The following IL1R2 variants were observed in gnomAD, a reference collection of about 807,000 sequenced individuals.
The protein encoded by IL1R2 is interleukin 1 receptor type 2.
Under a neutral mutation model 39.5 loss-of-function variants are expected in IL1R2, and 46 were observed. The ratio of observed to expected loss-of-function variants is 1.16; its 90% CI spans 0.92 to 1.49. IL1R2 has a LOEUF of 1.49. Ranked by LOEUF, IL1R2 falls within the 40% of genes most tolerant of loss-of-function variation. IL1R2 has a pLI of 0.00. For missense variants in IL1R2, 537 were observed against 502.0 expected, an observed-to-expected ratio of 1.07 and a Z score of -0.67; for synonymous variants, 207 against 189.6, an observed-to-expected ratio of 1.09 and a Z score of -0.75.
rs189070137 is a variant in IL1R2, at chr2:102,009,980, C to G, written c.332+154C>G. 22 of 812,056 alleles carry G rather than the reference C, an allele frequency of 2.7e-5. No homozygotes were observed. The Middle Eastern group carries it at 1.1e-3, about 41-fold the overall frequency. 50.3% of individuals were successfully genotyped at this position (812,056 alleles called of 1,614,324 possible). Reference sequence around the variant, plus strand: ...CCGTTTGCTGTTCCTGACACCCCCCCCAACCCTACAGTCTCATTCTGTCTC... The same window carrying G: ...CCGTTTGCTGTTCCTGACACCCCCCGCAACCCTACAGTCTCATTCTGTCTC... On this transcript the variant is annotated intron_variant, in intron 3 of 8. Coordinates refer to ENST00000332549, the MANE Select transcript of IL1R2 (RefSeq NM_004633.4).
intron 5 of IL1R2, among the ~76,000 whole-genome samples, chr2:102,021,326 T>A (rs1030596121): frequency 1.4e-5 from 2 of 143,612 alleles, no homozygotes; most frequent in Non-Finnish European, 3.1e-5. Context: ...TTTTTTTGGT[T>A]TTTTTTTGAG....
At chr2:102,022,104 T>C (rs1453582046) in intron 5 of IL1R2, 83 bp from the exon 6 acceptor site, 1 of 1,142,512 alleles carries the variant, frequency 8.8e-7, no homozygotes, top group African/African-American at 1.5e-5. Context: ...GATAACTTAG[T>C]TGATTAGCCA....
chr2:102,006,615 C>T (rs1577695085), intron 1 of IL1R2, among the ~76,000 whole-genome samples: 1 of 152,184 alleles, frequency 6.6e-6, no homozygotes, highest in Non-Finnish European at 1.5e-5. Flanking sequence ...GGGAATTTTT[C>T]CCCTGGATTC....
chr2:102,020,755 C>T (rs1403388810), intron 5 of IL1R2, among the ~76,000 whole-genome samples: 1 of 152,108 alleles, frequency 6.6e-6, no homozygotes, highest in Admixed American at 6.5e-5. Context: ...TTCCGTGGAC[C>T]GGCACGGTCC....
At chr2:102,024,466 C>T in intron 6 of IL1R2, 67 bp from the exon 7 acceptor site, 1 of 1,147,822 alleles carries the variant, frequency 8.7e-7, no homozygotes, top group Non-Finnish European at 1.3e-6. Context: ...GGACTCAGGG[C>T]TCAGGTTTGC....
Position 102,009,644 on chromosome 2 carries a change from C to A in IL1R2, c.150C>A (p.Cys50Ter), listed in dbSNP as rs781271835. The A allele has an allele frequency of 1.2e-6, 2 of 1,614,078 alleles. No homozygotes were observed. Among genetic ancestry groups the A allele is most frequent in the South Asian group, 2.2e-5 (2 of 91,078 alleles). The change falls in exon 3 of 9, where the codon TGC (cysteine) becomes TGA (stop). Residue 50 changes from cysteine (C) to a stop codon, truncating the protein, a stop_gained. Transcript: ENST00000332549. LOFTEE classifies it high-confidence loss of function. ...RLEGEPVALR[C>*]PQVPYWLWAS... ...AAGGGGAGCCTGTAGCCCTGAGGTG[C>A]CCCCAGGTGCCCTACTGGTTGTGGG... is the stretch of plus-strand genomic sequence containing the variant.
intron 4 of IL1R2, among the ~76,000 whole-genome samples, chr2:102,018,991 T>G (rs1002657165): frequency 3.3e-5 from 5 of 152,206 alleles, no homozygotes; most frequent in Admixed American, 2.6e-4. Flanking sequence ...ATAATCATGA[T>G]TTTGAAAGTG....
intron 8 of IL1R2, among the ~76,000 whole-genome samples, chr2:102,026,659 G>A (rs1327444407): frequency 6.6e-6 from 1 of 152,132 alleles, no homozygotes; most frequent in African/African-American, 2.4e-5. Context: ...AGCTACCCAG[G>A]GTTCAGGGCA....
chr2:102,024,054 C>T (rs4851528), intron 6 of IL1R2, among the ~76,000 whole-genome samples: 1 of 144,118 alleles, frequency 6.9e-6, no homozygotes, highest in African/African-American at 2.7e-5. Flanking sequence ...ATCTCAAAAA[C>T]AAAACAAAAC....
chr2:102,019,662 A>G lies in IL1R2; in HGVS notation c.538A>G (p.Asn180Asp). 1 of 1,612,578 alleles carries G rather than the reference A, an allele frequency of 6.2e-7. No individual in the cohort carries two copies. Among genetic ancestry groups the G allele is most frequent in the Non-Finnish European group, 8.5e-7 (1 of 1,179,260 alleles). Residue 180 changes from asparagine (N) to aspartate (D), a missense_variant, in exon 5 of 9, where the codon AAT (asparagine) becomes GAT (aspartate). Coordinates refer to ENST00000332549, the MANE Select transcript of IL1R2 (RefSeq NM_004633.4). ...YKDSLLLDKD[N>D]EKFLSVRGTT... Reference sequence around the variant, plus strand: ...GGATTCTCTTCTTTTGGATAAAGACAATGAGAAATTTCTAAGTGTGAGGGG... The same window carrying G: ...GGATTCTCTTCTTTTGGATAAAGACGATGAGAAATTTCTAAGTGTGAGGGG...
chr2:102,018,608 TA>T (rs1677155381), intron 4 of IL1R2, among the ~76,000 whole-genome samples: 1 of 152,210 alleles, frequency 6.6e-6, no homozygotes, highest in African/African-American at 2.4e-5. Context: ...GCGCATGTAC[TA>T]TATCCAAGCC....
chr2:102,021,305 C>CTTTTTTTTTTTTTTTTTTTTG (rs546019141), intron 5 of IL1R2, among the ~76,000 whole-genome samples: 1 of 122,856 alleles, frequency 8.1e-6, no homozygotes. Flanking sequence ...CTTTTCTTTT[C>CTTTTTTTTTTTTTTTTTTTTG]TTTTTTTTTT....
chr2:102,022,361 A>G (rs1010669555), intron 6 of IL1R2, 112 bp downstream of exon 6: 3 of 865,488 alleles, frequency 3.5e-6, no homozygotes, highest in East Asian at 2.4e-5. Context: ...CTTGGGTGCA[A>G]TGTGCCTGGG....
At position 102,015,862 on chromosome 2, in the gene IL1R2, T is replaced by C. The variant is rs752575255; in HGVS notation, c.333-9T>C. ...TTGCCATTTATCTTTTTTTTCCCTT[T>C]TAAATCAGAAATGCTTCTTACTGTG... On this transcript the variant is annotated splice_polypyrimidine_tract_variant and intron_variant, in intron 3 of 8. Transcript: ENST00000332549. 1.9e-6 allele frequency: 3 copies of C among 1,605,088 alleles called. No individual in the cohort carries two copies. The highest frequency in any genetic ancestry group is 1.1e-5 in the South Asian group (1 of 90,296).
At chr2:101,997,711 C>A (rs566752529) in intron 1 of IL1R2, among the ~76,000 whole-genome samples, 1 of 152,208 alleles carries the variant, frequency 6.6e-6, no homozygotes, top group African/African-American at 2.4e-5. Flanking sequence ...ACAGCCACAC[C>A]ATTATTTCCA....
intron 1 of IL1R2, among the ~76,000 whole-genome samples, chr2:102,004,293 G>C (rs1174228597): frequency 6.6e-6 from 1 of 152,112 alleles, no homozygotes; most frequent in Non-Finnish European, 1.5e-5. Flanking sequence ...TCAAAGGCAG[G>C]TAACGGTTAC....
At chr2:102,020,578 A>G (rs1195917124) in intron 5 of IL1R2, among the ~76,000 whole-genome samples, 1 of 152,216 alleles carries the variant, frequency 6.6e-6, no homozygotes, top group African/African-American at 2.4e-5. Flanking sequence ...TAATTGGTCT[A>G]TAAGGGGAAA....
rs1389715108 is a variant in IL1R2 at position 102,026,175 on chromosome 2, G to C, written c.952G>C (p.Glu318Gln). The change falls in exon 8 of 9, where the codon GAG becomes CAG. Residue 318 changes from glutamate (E) to glutamine (Q), a missense_variant. Coordinates refer to ENST00000332549, the MANE Select transcript of IL1R2 (RefSeq NM_004633.4). ...ATTGATTTTTGATCCTGTCACAAGA[G>C]AGGATTTGCACATGGATTTTAAATG... ...VPLIFDPVTREDLHMDFKCVV... is the reference protein window; with the variant it reads ...VPLIFDPVTRQDLHMDFKCVV... 1 of 1,610,706 alleles carries C rather than the reference G, an allele frequency of 6.2e-7. No homozygotes were observed.
intron 7 of IL1R2, chr2:102,024,878 T>C (rs1359409794): frequency 3.5e-6 from 2 of 563,976 alleles, no homozygotes; most frequent in East Asian, 6.4e-5. Flanking sequence ...GAGTTGCAGT[T>C]GACATGTTGG....
Sources: gnomAD v4.1 joint callset for allele counts (sites outside exome capture counted in the v4.1 genomes callset) on GRCh38, gnomAD v4.1.1 for gene constraint, MANE v1.5 for transcripts, NCBI Gene and HGNC (gene_info 2026-07-23, HGNC 2026-07-21) for gene names.